PDE1C: variants seen among roughly 807,000 people sequenced by gnomAD.
PDE1C encodes phosphodiesterase 1C, also known as dual specificity calcium/calmodulin-dependent 3',5'-cyclic nucleotide phosphodiesterase 1C.
Under a neutral mutation model 93.1 loss-of-function variants are expected in PDE1C, and 62 were observed. The observed-to-expected ratio is 0.67, with a 90% CI of 0.54 to 0.82. The LOEUF (loss-of-function observed/expected upper bound fraction) is 0.82. PDE1C is among the 40% of genes least tolerant of loss of function. PDE1C has a pLI of 0.00. For missense variants in PDE1C, 742 were observed against 884.6 expected, an observed-to-expected ratio of 0.84 and a Z score of 2.04; for synonymous variants, 325 against 310.1, an observed-to-expected ratio of 1.05 and a Z score of -0.50.
chr7:32,363,676 A>T (rs1369342658), intron 1 of PDE1C, among the ~76,000 whole-genome samples: 1 of 152,242 alleles, frequency 6.6e-6, no homozygotes, highest in African/African-American at 2.4e-5. Flanking sequence ...AGTACTTCTA[A>T]AGTGCTTAAA....
chr7:32,009,958 T>C (rs1041617317), intron 2 of PDE1C, among the ~76,000 whole-genome samples: 1 of 152,200 alleles, frequency 6.6e-6, no homozygotes, highest in Non-Finnish European at 1.5e-5. Flanking sequence ...GAAATGCTAA[T>C]AAATCTAACA....
chr7:32,308,115 G>A (rs906678026), intron 1 of PDE1C, among the ~76,000 whole-genome samples: 13 of 152,230 alleles, frequency 8.5e-5, no homozygotes, highest in Admixed American at 5.9e-4. Flanking sequence ...CAACGCCCAC[G>A]GAGTCTCGCT....
At position 32,391,242 on chromosome 7, in the gene PDE1C, G is replaced by T. The variant is rs190935428; in HGVS notation, c.310+36580C>A. 1.7e-3 allele frequency among the ~76,000 whole-genome samples: 257 copies of T among 152,128 alleles called. 1 individual carries two copies. Among genetic ancestry groups the T allele is most frequent in the Non-Finnish European group, 1.8e-3 (121 of 68,000 alleles). ...AAGAGAGCTGAAGTGGCTCATTAAG[G>T]ATCAAAAATATTACCAGAGCAAAAA... On this transcript the variant is annotated intron_variant, in intron 1 of 1. Coordinates refer to the PDE1C transcript ENST00000672256.
At chr7:31,804,656 C>T (rs905477052) in intron 16 of PDE1C, among the ~76,000 whole-genome samples, 4 of 151,746 alleles carry the variant, frequency 2.6e-5, no homozygotes, top group African/African-American at 4.8e-5. Context: ...CAAGAACTTT[C>T]GTCTTTTTAC....
chr7:31,713,731 A>C, the PDE1C span, among the ~76,000 whole-genome samples: 2 of 151,998 alleles, frequency 1.3e-5, no homozygotes, highest in African/African-American at 4.8e-5. Flanking sequence ...ACTTCTGTGC[A>C]CTCGCAGGCT....
intron 2 of PDE1C, among the ~76,000 whole-genome samples, chr7:32,201,761 G>A (rs962210952): frequency 6.6e-6 from 1 of 152,206 alleles, no homozygotes; most frequent in African/African-American, 2.4e-5. Context: ...GTGGTAGAAT[G>A]GCTAAATGGA....
intron 1 of PDE1C, among the ~76,000 whole-genome samples, chr7:32,275,707 C>A (rs746555789): frequency 1.6e-4 from 24 of 151,956 alleles, no homozygotes; most frequent in Non-Finnish European, 3.4e-4. Flanking sequence ...CAAACAGGTC[C>A]TGGAAATGGG....
the PDE1C span, among the ~76,000 whole-genome samples, chr7:31,708,716 C>T: frequency 2.6e-5 from 4 of 152,210 alleles, no homozygotes; most frequent in East Asian, 7.7e-4. Flanking sequence ...AGAATCATGG[C>T]AGCATCAGCT....
chr7:31,734,796 T>C, the PDE1C span, among the ~76,000 whole-genome samples: 6 of 152,210 alleles, frequency 3.9e-5, no homozygotes, highest in Non-Finnish European at 8.8e-5. Flanking sequence ...AAATTTCTTC[T>C]TTATATATGA....
chr7:32,020,349 A>G (rs1788476533), intron 2 of PDE1C, among the ~76,000 whole-genome samples: 1 of 152,126 alleles, frequency 6.6e-6, no homozygotes, highest in African/African-American at 2.4e-5. Context: ...CAAGGGACCA[A>G]AAATAGACAT....
At chr7:31,848,898 T>C (rs778814423) in intron 8 of PDE1C, among the ~76,000 whole-genome samples, 1 of 152,184 alleles carries the variant, frequency 6.6e-6, no homozygotes, top group Non-Finnish European at 1.5e-5. Flanking sequence ...TTGGGCTGTA[T>C]CTATCATACC....
At chr7:31,923,508 A>G (rs1454023179) in intron 2 of PDE1C, among the ~76,000 whole-genome samples, 1 of 152,212 alleles carries the variant, frequency 6.6e-6, no homozygotes, top group East Asian at 1.9e-4. Context: ...ATCATGGTTA[A>G]TGATTCTCTT....
the PDE1C span, among the ~76,000 whole-genome samples, chr7:31,639,519 C>A: frequency 1.5e-5 from 2 of 137,108 alleles, no homozygotes; most frequent in African/African-American, 5.5e-5. Context: ...TATAGTTTTT[C>A]TTTTGTTTGT....
chr7:32,272,099 T>C (rs902988738), intron 1 of PDE1C, among the ~76,000 whole-genome samples: 6 of 152,230 alleles, frequency 3.9e-5, no homozygotes, highest in African/African-American at 1.4e-4. Context: ...TTGGACAGTG[T>C]AGCACCTGTA....
At chr7:32,245,047 T>C (rs1490178587) in intron 1 of PDE1C, among the ~76,000 whole-genome samples, 1 of 152,114 alleles carries the variant, frequency 6.6e-6, no homozygotes, top group East Asian at 1.9e-4. Flanking sequence ...GGCCAGGCCT[T>C]CATAACCGGT....
chr7:32,314,773 G>A (rs1178185492), intron 1 of PDE1C, among the ~76,000 whole-genome samples: 4 of 151,996 alleles, frequency 2.6e-5, no homozygotes, highest in Non-Finnish European at 2.9e-5. Context: ...AGAATAGACA[G>A]GCAGCCCAAA....
At chr7:32,131,751 A>T (rs899943202) in intron 3 of PDE1C, among the ~76,000 whole-genome samples, 2 of 152,072 alleles carry the variant, frequency 1.3e-5, no homozygotes, top group African/African-American at 4.8e-5. Flanking sequence ...CTTCCAAATG[A>T]TTTCACATTC....
At chr7:31,994,718 A>G (rs1784519924) in intron 2 of PDE1C, among the ~76,000 whole-genome samples, 1 of 152,192 alleles carries the variant, frequency 6.6e-6, no homozygotes, top group Non-Finnish European at 1.5e-5. Context: ...GTTCCCCGGA[A>G]GGTGAAAAAA....
At chr7:32,030,078 A>AACAC (rs376919544) in intron 2 of PDE1C, among the ~76,000 whole-genome samples, 6,879 of 133,998 alleles carry the variant, frequency 0.051, 222 homozygotes, top group East Asian at 0.17. Flanking sequence ...TGCATATTAT[A>AACAC]ACACACACAC....
Sources: gnomAD v4.1 joint callset for allele counts (sites outside exome capture counted in the v4.1 genomes callset) on GRCh38, gnomAD v4.1.1 for gene constraint, MANE v1.5 for transcripts, NCBI Gene and HGNC (gene_info 2026-07-23, HGNC 2026-07-21) for gene names.